Variants in CNGA1 observed in about 807,000 individuals in gnomAD.
CNGA1 encodes cyclic nucleotide-gated channel alpha-1.
CNGA1 carries 53 observed loss-of-function variants against 69.7 expected under a neutral mutation model. That is an observed-to-expected ratio of 0.76 (90% CI 0.61 to 0.96). The LOEUF (loss-of-function observed/expected upper bound fraction) is 0.96, where lower values mean the gene tolerates loss of function less well. Among genes scored for constraint, CNGA1 ranks in the 40% least tolerant of loss-of-function variants. CNGA1 has a pLI of 0.00. For synonymous variants in CNGA1, 249 were observed against 283.5 expected, an observed-to-expected ratio of 0.88 and a Z score of 1.22; for missense variants, 739 against 811.2, an observed-to-expected ratio of 0.91 and a Z score of 1.08.
At chr4:47,976,437 C>T (rs983423653) in intron 3 of CNGA1, among the ~76,000 whole-genome samples, 1 of 150,344 alleles carries the variant, frequency 6.7e-6, no homozygotes, top group Admixed American at 6.7e-5. Context: ...AAACTTACTT[C>T]GTTTCTCTTT....
rs373946784 is a variant in CNGA1, at chr4:47,936,912, C to G, written c.1570G>C (p.Ala524Pro). The stretch of plus-strand genomic sequence containing the variant: ...ACAAACTGAGTGACTCCATCATCTG[C>G]CACCACAGCGAGTTTGCCTTCCTTG... ...IIKEGKLAVV[A>P]DDGVTQFVVL... The change falls in exon 11 of 11, where the codon GCA (alanine) becomes CCA (proline). Residue 524 changes from alanine to proline, a missense_variant. Ala to Pro is a conservative substitution (Grantham distance 27). Coordinates refer to ENST00000514170, the MANE Select transcript of CNGA1 (RefSeq NM_001379270.1). The G allele has an allele frequency of 1.2e-6, 2 of 1,614,004 alleles. No homozygotes were observed. Among genetic ancestry groups the G allele is most frequent in the South Asian group, 2.2e-5 (2 of 91,084 alleles).
chr4:47,943,345 T>C (rs1402357171), intron 7 of CNGA1, 26 bp downstream of exon 7: 2 of 1,540,596 alleles, frequency 1.3e-6, no homozygotes, highest in Non-Finnish European at 1.8e-6. Flanking sequence ...CAGAAAAATG[T>C]GGGGTAATTC....
At chr4:48,012,827 TTAAGACCAGTTGGTCG>T (rs1192266141) in intron 1 of CNGA1, 1 of 151,956 alleles carries the variant, frequency 6.6e-6, no homozygotes, top group Non-Finnish European at 1.5e-5. Context: ...TAAGGAGAAA[TTAAGACCAGTTGGTCG>T]TTAATCTTAA....
At position 47,952,700 on chromosome 4, in the gene CNGA1, A is replaced by G. The variant is rs777028302; in HGVS notation, c.-11T>C. 6 of 1,573,248 alleles carry G rather than the reference A, an allele frequency of 3.8e-6. No homozygotes were observed. The highest frequency in any genetic ancestry group is 5.2e-6 in the Non-Finnish European group (6 of 1,158,502). On this transcript the variant is annotated 5_prime_UTR_variant, in exon 4 of 11. It removes an upstream start codon present in the reference 5' UTR. Transcript: ENST00000514170. ...AATATTGTTCTTCATGGATAGTTTC[A>G]TATCTGAGGAGAAAGAAGTCTTATT...
Position 47,937,266 on chromosome 4 carries a change from A to T in CNGA1, c.1216T>A (p.Phe406Ile). ...ISNMNAARAE[F>I]QARIDAIKQY... is the part of the protein sequence containing the mutation. ...TTGATAGCATCAATTCTTGCTTGAA[A>T]TTCTGCTCTGGCTGCATTCATGTTG... Residue 406 changes from phenylalanine to isoleucine, a missense_variant, in exon 11 of 11, where the codon TTT (phenylalanine) becomes ATT (isoleucine). Physicochemically the swap from Phe to Ile is conservative, Grantham distance 21. Transcript: ENST00000514170. 6.2e-7 allele frequency: 1 copy of T among 1,614,050 alleles called. No individual in the cohort carries two copies. The highest frequency in any genetic ancestry group is 8.5e-7 in the Non-Finnish European group (1 of 1,180,030).
At chr4:48,009,247 A>G (rs1216648499) in intron 2 of CNGA1, among the ~76,000 whole-genome samples, 2 of 152,084 alleles carry the variant, frequency 1.3e-5, no homozygotes, top group Admixed American at 6.5e-5. Context: ...TGGGTGGATC[A>G]TGAGGTCAGG....
intron 3 of CNGA1, among the ~76,000 whole-genome samples, chr4:47,972,033 C>T (rs977672902): frequency 6.5e-4 from 99 of 152,296 alleles, no homozygotes; most frequent in African/African-American, 2.2e-3. Flanking sequence ...CATCCTTTTA[C>T]GTACCTATGT....
At chr4:47,962,604 G>T (rs1353773743) in intron 3 of CNGA1, among the ~76,000 whole-genome samples, 1 of 152,056 alleles carries the variant, frequency 6.6e-6, no homozygotes, top group Non-Finnish European at 1.5e-5. Flanking sequence ...CTCAGAAAAT[G>T]TACTTAATTT....
chr4:47,951,807 T>C (rs1739758300), intron 4 of CNGA1, among the ~76,000 whole-genome samples: 1 of 152,204 alleles, frequency 6.6e-6, no homozygotes, highest in African/African-American at 2.4e-5. Context: ...TGTGAACTAG[T>C]TTTCTAACTA....
intron 3 of CNGA1, among the ~76,000 whole-genome samples, chr4:47,963,417 T>C (rs1740566118): frequency 6.6e-6 from 1 of 152,260 alleles, no homozygotes; most frequent in Admixed American, 6.5e-5. Flanking sequence ...ATCATATTCC[T>C]GATAAATGAT....
chr4:47,994,459 C>T (rs1742397914), intron 2 of CNGA1, among the ~76,000 whole-genome samples: 1 of 152,080 alleles, frequency 6.6e-6, no homozygotes, highest in South Asian at 2.1e-4. Context: ...ACTGCTGTTG[C>T]TTTAAAGTTT....
chr4:47,990,524 G>A (rs756672310), intron 2 of CNGA1, among the ~76,000 whole-genome samples: 4 of 152,038 alleles, frequency 2.6e-5, no homozygotes, highest in Non-Finnish European at 5.9e-5. Flanking sequence ...ATGCACAGTG[G>A]GACATAGACC....
chr4:47,942,158 A>G lies in CNGA1; in HGVS notation c.438-10T>C. On this transcript the variant is annotated splice_polypyrimidine_tract_variant and intron_variant, in intron 8 of 10. Coordinates refer to ENST00000514170, the MANE Select transcript of CNGA1 (RefSeq NM_001379270.1). ...AACTTCTTTCTTCTCCCTAGCGGCA[A>G]TTAGAAATAAAGGGGATAGTTACCA... is the stretch of plus-strand genomic sequence containing the variant. 6.5e-7 allele frequency: 1 copy of G among 1,547,218 alleles called. No individual in the cohort carries two copies. Among genetic ancestry groups the G allele is most frequent in the Non-Finnish European group, 8.9e-7 (1 of 1,119,110 alleles).
chr4:47,954,565 A>C (rs1025378941), intron 3 of CNGA1, among the ~76,000 whole-genome samples: 1 of 152,200 alleles, frequency 6.6e-6, no homozygotes, highest in African/African-American at 2.4e-5. Context: ...TTATAACCAC[A>C]TGAAAGATGA....
chr4:48,014,568 G>A (rs1265818065), intron 1 of CNGA1, among the ~76,000 whole-genome samples: 2 of 152,172 alleles, frequency 1.3e-5, no homozygotes, highest in African/African-American at 4.8e-5. Context: ...TTGAAGCCCA[G>A]CTTTCTTGGT....
chr4:47,940,215 AG>A (rs1457019850), intron 10 of CNGA1, among the ~76,000 whole-genome samples: 1 of 152,264 alleles, frequency 6.6e-6, no homozygotes, highest in Non-Finnish European at 1.5e-5. Context: ...GATTCTTAAA[AG>A]GTTATAGTCT....
intron 4 of CNGA1, among the ~76,000 whole-genome samples, chr4:47,951,839 A>C (rs1327920614): frequency 6.6e-6 from 1 of 152,246 alleles, no homozygotes; most frequent in Non-Finnish European, 1.5e-5. Context: ...CACTAAAAGT[A>C]AATTCAACCA....
At chr4:47,941,327 A>G (rs1739063062) in intron 9 of CNGA1, among the ~76,000 whole-genome samples, 1 of 152,226 alleles carries the variant, frequency 6.6e-6, no homozygotes. Flanking sequence ...CTTTAAATAA[A>G]TTAAAAAAAT....
At chr4:48,011,160 G>A (rs1715141311) in intron 1 of CNGA1, among the ~76,000 whole-genome samples, 1 of 152,114 alleles carries the variant, frequency 6.6e-6, no homozygotes, top group Non-Finnish European at 1.5e-5. Context: ...TAAGTTGCAA[G>A]TCCCATGTTT....
Sources: allele counts gnomAD v4.1 joint callset (sites outside exome capture counted in the v4.1 genomes callset), GRCh38; gene constraint gnomAD v4.1.1; transcripts MANE v1.5; gene names NCBI Gene and HGNC (gene_info 2026-07-23, HGNC 2026-07-21).